OTUD3: variants seen among roughly 807,000 people sequenced by gnomAD.
The protein encoded by OTUD3 is OTU deubiquitinase 3, also known as OTU domain-containing protein 3.
Under a neutral mutation model 46.2 loss-of-function variants are expected in OTUD3, and 24 were observed. The ratio of observed to expected loss-of-function variants is 0.52; its 90% confidence interval spans 0.38 to 0.73. OTUD3 has a LOEUF of 0.73. Among genes scored for constraint, OTUD3 ranks in the 30% least tolerant of loss-of-function variants. OTUD3 has a pLI of 0.00. For synonymous variants in OTUD3, 189 were observed against 195.4 expected (o/e 0.97, Z 0.27); for missense variants, 455 against 523.3 (o/e 0.87, Z 1.27).
chr1:19,897,693 C>G, intron 4 of OTUD3, 31 bp downstream of exon 4: 1 of 1,605,990 alleles, frequency 6.2e-7, no homozygotes, highest in Non-Finnish European at 8.5e-7. Flanking sequence ...CTCCCGTATT[C>G]CCCGCCCTAC....
chr1:19,899,589 C>A (rs2045560518), intron 4 of OTUD3, among the ~76,000 whole-genome samples: 1 of 152,196 alleles, frequency 6.6e-6, no homozygotes, highest in Non-Finnish European at 1.5e-5. Flanking sequence ...CTTTTATGTA[C>A]CTCATTTCAC....
In OTUD3 at chr1:19,901,012, C is replaced by T. The variant is rs145598676; in HGVS notation, c.607-3255C>T. 3.6e-3 allele frequency among the ~76,000 whole-genome samples: 535 copies of T among 147,774 alleles called. 8 individuals carry two copies. Among genetic ancestry groups the T allele is most frequent in the African/African-American group, 0.013 (512 of 39,792 alleles). On this transcript the variant is annotated intron_variant, in intron 4 of 7. Coordinates refer to ENST00000375120, the MANE Select transcript of OTUD3 (RefSeq NM_015207.2). ...GCAACCTCTGCCTCCCGGGTTCAAG[C>T]GATTCTCCTGCCTCAGCCTCCCGAG...
intron 6 of OTUD3, among the ~76,000 whole-genome samples, chr1:19,905,915 A>G (rs2045654909): frequency 6.6e-6 from 1 of 152,178 alleles, no homozygotes; most frequent in African/African-American, 2.4e-5. Context: ...ACTTTTAGAA[A>G]TCTGTAAGTA....
At position 19,907,866 on chromosome 1, in the gene OTUD3, TCACA is replaced by T; in HGVS notation, c.*124_*127del. The T allele has an allele frequency of 1.2e-6, 1 of 830,090 alleles. No individual in the cohort carries two copies. The highest frequency in any genetic ancestry group is 1.9e-6 in the Non-Finnish European group (1 of 540,534). 51.4% of individuals were successfully genotyped at this position (830,090 alleles called of 1,614,324 possible). A position where few individuals can be genotyped will look rare whatever the true frequency, so the allele number is the denominator to read the frequency against. ...CAACCAACGAAGCCCACACATGAGC[TCACA>T]CACTGAGTTAGTTTCGTTCAAGCTG... is the stretch of plus-strand genomic sequence containing the variant. On this transcript the variant is annotated 3_prime_UTR_variant, in exon 8 of 8. Coordinates refer to ENST00000375120, the MANE Select transcript of OTUD3 (RefSeq NM_015207.2).
At chr1:19,887,578 A>G (rs187588285) in intron 1 of OTUD3, among the ~76,000 whole-genome samples, 1 of 152,332 alleles carries the variant, frequency 6.6e-6, no homozygotes, top group African/African-American at 2.4e-5. Context: ...GAGTCTATAT[A>G]GTCTACCTCC....
intron 4 of OTUD3, among the ~76,000 whole-genome samples, chr1:19,903,535 C>A (rs12116837): frequency 0.032 from 4,873 of 151,842 alleles, 110 homozygotes; most frequent in Non-Finnish European, 0.048. Context: ...TGTTTACATT[C>A]AAAAAATAGA....
intron 3 of OTUD3, among the ~76,000 whole-genome samples, chr1:19,894,980 A>G (rs375344820): frequency 6.6e-6 from 1 of 152,344 alleles, no homozygotes; most frequent in African/African-American, 2.4e-5. Flanking sequence ...ATTAAAAATT[A>G]TATTTAAAAT....
At chr1:19,905,042 C>A in intron 6 of OTUD3, 55 bp downstream of exon 6, 2 of 997,646 alleles carry the variant, frequency 2.0e-6, no homozygotes, top group Non-Finnish European at 3.1e-6. Context: ...TGGTAATTTT[C>A]CAAATATTTA....
rs1173428983 is a variant in OTUD3, at chr1:19,910,509, G to A, written c.*2763G>A. Reference sequence around the variant, plus strand: ...CTTCTAGATAATGTAGTTGCCACTAGGAGATATTAGAAAGTTAGAATGTAT... The same window carrying A: ...CTTCTAGATAATGTAGTTGCCACTAAGAGATATTAGAAAGTTAGAATGTAT... On this transcript the variant is annotated 3_prime_UTR_variant, in exon 8 of 8. Transcript: ENST00000375120. 6.6e-6 allele frequency: 1 copy of A among 152,326 alleles called. No homozygotes were observed. Among genetic ancestry groups the A allele is most frequent in the Non-Finnish European group, 1.5e-5 (1 of 68,046 alleles). The allele number at this position is 152,326 out of a possible 1,614,324, so 9.4% of individuals were successfully genotyped here.
At chr1:19,884,693 GCCT>G (rs2045330611) in intron 1 of OTUD3, among the ~76,000 whole-genome samples, 2 of 152,278 alleles carry the variant, frequency 1.3e-5, no homozygotes, top group South Asian at 4.1e-4. Flanking sequence ...GCATCAGGTA[GCCT>G]CTGGAAAACT....
chr1:19,883,337 C>G (rs1209920654), intron 1 of OTUD3, among the ~76,000 whole-genome samples: 1 of 152,048 alleles, frequency 6.6e-6, no homozygotes. Context: ...GGATCCAGGT[C>G]CAGCTTTCTT....
At chr1:19,892,958 C>T (rs2045467926) in intron 2 of OTUD3, among the ~76,000 whole-genome samples, 3 of 152,116 alleles carry the variant, frequency 2.0e-5, no homozygotes, top group Admixed American at 6.6e-5. Context: ...TTCTCACTTC[C>T]TCCACCTCTC....
At chr1:19,884,411 T>C (rs2045326021) in intron 1 of OTUD3, among the ~76,000 whole-genome samples, 3 of 152,182 alleles carry the variant, frequency 2.0e-5, no homozygotes, top group Admixed American at 6.5e-5. Context: ...CAGCATACTT[T>C]TCAAGTTAAT....
intron 4 of OTUD3, among the ~76,000 whole-genome samples, chr1:19,900,844 TA>T (rs996111868): frequency 2.7e-5 from 4 of 150,870 alleles, no homozygotes; most frequent in East Asian, 1.9e-4. Flanking sequence ...TTGTCTTTTT[TA>T]AAAAAAACAA....
rs998313623 is a variant in OTUD3 at position 19,912,845 on chromosome 1, T to G, written c.*5099T>G. 2.0e-5 allele frequency: 3 copies of G among 152,392 alleles called. No individual in the cohort carries two copies. The highest frequency in any genetic ancestry group is 4.4e-5 in the Non-Finnish European group (3 of 68,048). 9.4% of individuals were successfully genotyped at this position (152,392 alleles called of 1,614,324 possible). A position where few individuals can be genotyped will look rare whatever the true frequency, so the allele number is the denominator to read the frequency against. ...AAACCAAATGTTTCTTTTTTTGTGT[T>G]TTTAATCTTCGATACTTGGTGCAAT... is the stretch of plus-strand genomic sequence containing the variant. On this transcript the variant is annotated 3_prime_UTR_variant, in exon 8 of 8. Coordinates refer to ENST00000375120, the MANE Select transcript of OTUD3 (RefSeq NM_015207.2).
At position 19,907,725 on chromosome 1, in the gene OTUD3, C is replaced by G. The variant is rs2045682396; in HGVS notation, c.1176C>G (p.Thr392=). 1 of 1,614,082 alleles carries G rather than the reference C, an allele frequency of 6.2e-7. No individual in the cohort carries two copies. The highest frequency in any genetic ancestry group is 1.7e-5 in the Admixed American group (1 of 60,004). The change falls in exon 8 of 8, where the codon ACC becomes ACG. Residue 392 remains threonine (T), a synonymous_variant. Transcript: ENST00000375120. ...ACACGCAGGTCACCTTGGTGAAGACCTTCGCCGCTCTCAACATCTGACTCT... is the reference window on the plus strand; with the variant it reads ...ACACGCAGGTCACCTTGGTGAAGACGTTCGCCGCTCTCAACATCTGACTCT... ...EANTQVTLVK[T]FAALNI is the part of the protein sequence containing the mutation.
intron 5 of OTUD3, 115 bp downstream of exon 5, chr1:19,904,513 C>A: frequency 1.1e-6 from 1 of 888,532 alleles, no homozygotes; most frequent in Non-Finnish European, 1.7e-6. Flanking sequence ...CCAAAATAGG[C>A]CCATGAGATT....
chr1:19,892,170 C>T (rs2045455344), intron 2 of OTUD3, among the ~76,000 whole-genome samples: 1 of 152,180 alleles, frequency 6.6e-6, no homozygotes. Flanking sequence ...TGTCACTATG[C>T]ATGCCTGTTG....
chr1:19,892,416 G>A (rs1165321468), intron 2 of OTUD3, among the ~76,000 whole-genome samples: 5 of 152,066 alleles, frequency 3.3e-5, no homozygotes, highest in East Asian at 1.9e-4. Flanking sequence ...TTTGTTTTGC[G>A]GTGTGGCAGT....
Sources: gnomAD v4.1 joint callset for allele counts (sites outside exome capture counted in the v4.1 genomes callset) on GRCh38, gnomAD v4.1.1 for gene constraint, MANE v1.5 for transcripts, NCBI Gene and HGNC (gene_info 2026-07-23, HGNC 2026-07-21) for gene names.